Variants in COL27A1 observed in about 807,000 individuals in gnomAD.
The protein encoded by COL27A1 is collagen type XXVII alpha 1 chain, also known as collagen alpha-1(XXVII) chain.
A neutral mutation model predicts 251.3 loss-of-function variants in COL27A1; 106 were observed. The observed-to-expected ratio is 0.42, with a 90% CI of 0.36 to 0.50. The LOEUF is 0.50. Ranked by LOEUF, COL27A1 falls within the 20% of genes least tolerant of loss-of-function variation. The pLI is 0.00. For missense variants in COL27A1, 2,325 were observed against 2,522.8 expected (o/e 0.92, Z 1.68); for synonymous variants, 1,000 against 986.3 (o/e 1.01, Z -0.26).
intron 60 of COL27A1, among the ~76,000 whole-genome samples, chr9:114,310,341 A>G (rs1166923062): frequency 6.6e-6 from 1 of 152,222 alleles, no homozygotes; most frequent in African/African-American, 2.4e-5. Context: ...GAATGCACAC[A>G]AAGGTTTAGT....
intron 14 of COL27A1, among the ~76,000 whole-genome samples, chr9:114,230,290 A>T (rs1182013388): frequency 1.3e-5 from 2 of 152,002 alleles, no homozygotes; most frequent in Non-Finnish European, 2.9e-5. Context: ...GACGGTGTGG[A>T]GTTTGCAGAC....
intron 14 of COL27A1, among the ~76,000 whole-genome samples, chr9:114,225,344 T>C (rs946794971): frequency 2.0e-5 from 3 of 152,238 alleles, no homozygotes; most frequent in Admixed American, 6.5e-5. Flanking sequence ...TTCCCAGAGC[T>C]GATTTGTTCT....
At chr9:114,174,022 G>C (rs1849516565) in intron 3 of COL27A1, among the ~76,000 whole-genome samples, 1 of 151,824 alleles carries the variant, frequency 6.6e-6, no homozygotes, top group Non-Finnish European at 1.5e-5. Flanking sequence ...CTGTTGCCCA[G>C]GCTAGAGTAT....
At chr9:114,262,700 C>G (rs971146026) in intron 28 of COL27A1, among the ~76,000 whole-genome samples, 2 of 152,232 alleles carry the variant, frequency 1.3e-5, no homozygotes, top group African/African-American at 4.8e-5. Flanking sequence ...CTGAGCAGCC[C>G]GGTGCCTAGG....
chr9:114,178,494 C>T, intron 4 of COL27A1, 150 bp downstream of exon 4: 1 of 717,614 alleles, frequency 1.4e-6, no homozygotes. Flanking sequence ...TTGGAGTGGA[C>T]TTAGGGCTCT....
Position 114,252,618 on chromosome 9 carries a change from CA to C in COL27A1, c.3060del (p.Gly1021AlafsTer38). ...GGTGATCGTGGCATGATGGGACCCCCAGGCGTGCCTGGACCCAAGGGGTCGA... is the reference window on the plus strand; with the variant it reads ...GGTGATCGTGGCATGATGGGACCCCCGGCGTGCCTGGACCCAAGGGGTCGA... ...EKGDRGMMGP[P>X]GVPGPKGSMG... On this transcript the variant is annotated frameshift_variant, in exon 26 of 61. Transcript: ENST00000356083. LOFTEE classifies it high-confidence loss of function. 1.2e-6 allele frequency: 2 copies of C among 1,614,000 alleles called. No homozygotes were observed. The highest frequency in any genetic ancestry group is 1.7e-6 in the Non-Finnish European group (2 of 1,180,014).
At chr9:114,209,291 G>A in intron 10 of COL27A1, 2 of 424,614 alleles carry the variant, frequency 4.7e-6, no homozygotes, top group Non-Finnish European at 9.2e-6. Flanking sequence ...AGCCATGGCA[G>A]GAGCCACGGG....
In COL27A1 at chr9:114,169,418, T is replaced by A. The variant is rs1277216296; in HGVS notation, c.1863T>A (p.Pro621=). 6.3e-7 allele frequency: 1 copy of A among 1,583,324 alleles called. No individual in the cohort carries two copies. Among genetic ancestry groups the A allele is most frequent in the Admixed American group, 1.8e-5 (1 of 55,884 alleles). The change falls in exon 3 of 61, where the codon CCT becomes CCA. Residue 621 remains proline, a synonymous_variant. Transcript: ENST00000356083. Reference sequence around the variant, plus strand: ...ACCTGGCAGGATCTACGCCTTTCCCTCTGCTGATGGGGCCTCCGGGACCCA... The same window carrying A: ...ACCTGGCAGGATCTACGCCTTTCCCACTGCTGATGGGGCCTCCGGGACCCA... ...IFHLAGSTPF[P]LLMGPPGPKG... is the part of the protein sequence containing the mutation.
In COL27A1 at chr9:114,189,794, A is replaced by G. The variant is rs969473277; in HGVS notation, c.2017-4610A>G. 2.0e-5 allele frequency among the ~76,000 whole-genome samples: 3 copies of G among 152,138 alleles called. No individual in the cohort carries two copies. In the East Asian group the frequency reaches 5.8e-4, roughly 29 times the overall value. The stretch of plus-strand genomic sequence containing the variant: ...CCATTATATTTTCTAGATAGCTCTC[A>G]TCTAGTGAAAATAACTATTGATTTT... On this transcript the variant is annotated intron_variant, in intron 5 of 60. Transcript: ENST00000356083.
rs113449584 is a variant in COL27A1, at chr9:114,223,101, G to A, written c.2466+834G>A. On this transcript the variant is annotated intron_variant, in intron 14 of 60. Coordinates refer to ENST00000356083, the MANE Select transcript of COL27A1 (RefSeq NM_032888.4). ...TAGCCAAAGCCAGGGCCCCTGCTGC[G>A]CTTTCAGTGGAATGAGTGTTAACCT... Among the ~76,000 whole-genome samples, 25 of 152,262 alleles carry A rather than the reference G, an allele frequency of 1.6e-4. 1 individual carries two copies. Among genetic ancestry groups the A allele is most frequent in the Middle Eastern group, 3.4e-3 (1 of 294 alleles).
chr9:114,235,678 C>T (rs777905968), intron 17 of COL27A1, 26 bp downstream of exon 17: 19 of 1,507,294 alleles, frequency 1.3e-5, no homozygotes, highest in South Asian at 3.4e-5. Context: ...TTTCCCCTCC[C>T]CCTGCCCCTG....
chr9:114,277,930 G>T (rs1015096334), intron 37 of COL27A1, among the ~76,000 whole-genome samples: 2 of 152,164 alleles, frequency 1.3e-5, no homozygotes, highest in Non-Finnish European at 2.9e-5. Flanking sequence ...AATAGCCTTG[G>T]AACCAGAGTC....
chr9:114,304,492 G>A, intron 56 of COL27A1, 116 bp from the exon 57 acceptor site: 2 of 858,892 alleles, frequency 2.3e-6, no homozygotes, highest in Non-Finnish European at 3.9e-6. Flanking sequence ...GAGTTCTGCA[G>A]AGGGCATATG....
In COL27A1 at chr9:114,168,490, T is replaced by C. The variant is rs757638843; in HGVS notation, c.935T>C (p.Met312Thr). 6.2e-7 allele frequency: 1 copy of C among 1,613,712 alleles called. No individual in the cohort carries two copies. Among genetic ancestry groups the C allele is most frequent in the Admixed American group, 1.7e-5 (1 of 59,996 alleles). ...RTSPTNPHQH[M>T]AVGGPAQTPL... ...AGCCCCACAAACCCTCACCAGCATA[T>C]GGCGGTGGGAGGCCCAGCCCAAACC... The change falls in exon 3 of 61, where the codon ATG becomes ACG. Residue 312 changes from methionine (M) to threonine (T), a missense_variant. Met to Thr is a moderately conservative substitution (Grantham distance 81). Transcript: ENST00000356083.
intron 59 of COL27A1, among the ~76,000 whole-genome samples, chr9:114,308,094 G>A (rs1588908510): frequency 6.6e-6 from 1 of 152,002 alleles, no homozygotes; most frequent in Non-Finnish European, 1.5e-5. Flanking sequence ...TCATCAGCAT[G>A]AAATAAAAGA....
At chr9:114,286,364 G>A (rs1018729922) in intron 41 of COL27A1, among the ~76,000 whole-genome samples, 1 of 152,170 alleles carries the variant, frequency 6.6e-6, no homozygotes, top group African/African-American at 2.4e-5. Flanking sequence ...TCCCCATAAG[G>A]CTCAGAGACT....
At chr9:114,173,167 T>C (rs4979345) in intron 3 of COL27A1, among the ~76,000 whole-genome samples, 102,032 of 151,414 alleles carry the variant, frequency 0.67, 34,441 homozygotes, top group South Asian at 0.81. Flanking sequence ...GGGGAGGCCG[T>C]GGTTCACAGC....
At chr9:114,158,944 T>C (rs1202730518) in intron 1 of COL27A1, among the ~76,000 whole-genome samples, 1 of 152,266 alleles carries the variant, frequency 6.6e-6, no homozygotes, top group Non-Finnish European at 1.5e-5. Context: ...ACTTGCCCTC[T>C]CTGGGCCTCA....
intron 13 of COL27A1, among the ~76,000 whole-genome samples, chr9:114,220,166 C>T (rs1362351534): frequency 2.0e-5 from 3 of 152,218 alleles, no homozygotes; most frequent in African/African-American, 7.2e-5. Flanking sequence ...TGCCATCTTA[C>T]ACAGCATCAG....
Sources: allele counts gnomAD v4.1 joint callset (sites outside exome capture counted in the v4.1 genomes callset), GRCh38; gene constraint gnomAD v4.1.1; transcripts MANE v1.5; gene names NCBI Gene and HGNC (gene_info 2026-07-23, HGNC 2026-07-21).